SETX: variants seen among roughly 807,000 people sequenced by gnomAD.
The protein encoded by SETX is senataxin, also known as helicase senataxin.
SETX carries 90 observed loss-of-function variants against 227.2 expected under a neutral mutation model. The ratio of observed to expected loss-of-function variants is 0.40; its 90% CI spans 0.33 to 0.47. SETX has a LOEUF of 0.47. Ranked by LOEUF, SETX falls within the 20% of genes least tolerant of loss-of-function variation. The pLI is 0.91. For synonymous variants in SETX, 1,210 were observed against 1,113.2 expected (o/e 1.09, Z -1.73); for missense variants, 3,052 against 3,181.5 (o/e 0.96, Z 0.98).
At chr9:132,334,005 G>C (rs1847433188) in intron 7 of SETX, among the ~76,000 whole-genome samples, 1 of 152,090 alleles carries the variant, frequency 6.6e-6, no homozygotes, top group Non-Finnish European at 1.5e-5. Flanking sequence ...CCATGGGACA[G>C]AGAAGGCTTA....
At chr9:132,301,888 C>A (rs1486404784) in intron 11 of SETX, among the ~76,000 whole-genome samples, 1 of 152,178 alleles carries the variant, frequency 6.6e-6, no homozygotes, top group Non-Finnish European at 1.5e-5. Flanking sequence ...AAGTTCAGTA[C>A]CAACTGCCGA....
intron 10 of SETX, among the ~76,000 whole-genome samples, chr9:132,312,639 G>T (rs1291689766): frequency 6.6e-6 from 1 of 152,144 alleles, no homozygotes; most frequent in Non-Finnish European, 1.5e-5. Flanking sequence ...CTCCACAAGG[G>T]TTATGCTATG....
At position 132,327,462 on chromosome 9, in the gene SETX, T is replaced by C. The variant is rs181158146; in HGVS notation, c.4136A>G (p.His1379Arg). The stretch of plus-strand genomic sequence containing the variant: ...AAATATGTCAGAATTCTGTGCTGTA[T>C]GTGACCCTGCTCTTTTAACATCTGT... ...ESTDVKRAGS[H>R]TAQNSDIFVP... Residue 1379 changes from histidine (H) to arginine (R), a missense_variant, in exon 10 of 26, where the codon CAT becomes CGT. Physicochemically the swap from His to Arg is conservative, Grantham distance 29. Coordinates refer to ENST00000224140, the MANE Select transcript of SETX (RefSeq NM_015046.7). 17 of 1,614,184 alleles carry C rather than the reference T, an allele frequency of 1.1e-5. No homozygotes were observed. In the Admixed American group the frequency reaches 2.7e-4, roughly 25 times the overall value.
chr9:132,313,382 T>A (rs1316086789), intron 10 of SETX, among the ~76,000 whole-genome samples: 1 of 152,174 alleles, frequency 6.6e-6, no homozygotes, highest in Non-Finnish European at 1.5e-5. Flanking sequence ...GGAGGGCAGA[T>A]ACTTTTAGTT....
chr9:132,290,939 TC>T (rs201804576), intron 15 of SETX, among the ~76,000 whole-genome samples: 2,905 of 152,242 alleles, frequency 0.019, 103 homozygotes, highest in African/African-American at 0.067. Context: ...ATTGGACACG[TC>T]ACAGTTATTT....
At position 132,327,411 on chromosome 9, in the gene SETX, T is replaced by C. The variant is rs1336844020; in HGVS notation, c.4187A>G (p.Tyr1396Cys). Reference protein sequence around the residue: ...IFVPESDRSDYNCTGGTEVLA... With the variant: ...IFVPESDRSDCNCTGGTEVLA... ...TACCTCAGTTCCTCCTGTACAATTA[T>C]AATCTGACCTATCAGATTCTGGTAC... The change falls in exon 10 of 26, where the codon TAT (tyrosine) becomes TGT (cysteine). Residue 1396 changes from tyrosine (Y) to cysteine (C), a missense_variant. Coordinates refer to ENST00000224140, the MANE Select transcript of SETX (RefSeq NM_015046.7). 7 of 1,614,180 alleles carry C rather than the reference T, an allele frequency of 4.3e-6. No individual in the cohort carries two copies. The highest frequency in any genetic ancestry group is 1.7e-5 in the Admixed American group (1 of 60,026).
intron 10 of SETX, among the ~76,000 whole-genome samples, chr9:132,314,309 G>C (rs993974896): frequency 1.3e-5 from 2 of 151,972 alleles, no homozygotes; most frequent in African/African-American, 4.8e-5. Flanking sequence ...GGCTGGTCTT[G>C]AACTCCTGAC....
rs1293739440 is a variant in SETX, at chr9:132,346,340, C to T, written c.309G>A (p.Gly103=). The change falls in exon 4 of 26, where the codon GGG becomes GGA. Residue 103 remains glycine, a synonymous_variant. Coordinates refer to ENST00000224140, the MANE Select transcript of SETX (RefSeq NM_015046.7). ...CTCGAAGCTTATTTTCAAAGTCTTGCCCAGTGATGTCAAACAGTGGCATCT... is the reference window on the plus strand; with the variant it reads ...CTCGAAGCTTATTTTCAAAGTCTTGTCCAGTGATGTCAAACAGTGGCATCT... The part of the protein sequence containing the change: ...NGEMPLFDIT[G]QDFENKLRVP... 3.7e-6 allele frequency: 6 copies of T among 1,613,972 alleles called. 1 individual carries two copies. The Admixed American group carries it at 6.7e-5, about 18-fold the overall frequency.
chr9:132,272,102 C>T (rs540455924), intron 23 of SETX, among the ~76,000 whole-genome samples: 5 of 152,128 alleles, frequency 3.3e-5, no homozygotes, highest in African/African-American at 9.6e-5. Flanking sequence ...CATCTCCTGA[C>T]CTCATGATCC....
chr9:132,331,496 C>T (rs955253075), intron 7 of SETX, 48 bp from the exon 8 acceptor site: 2 of 1,575,154 alleles, frequency 1.3e-6, no homozygotes, highest in African/African-American at 2.7e-5. Flanking sequence ...GTTAGAAAAA[C>T]ATACTACAAT....
chr9:132,270,290 G>A (rs953425341), intron 24 of SETX, among the ~76,000 whole-genome samples: 1 of 150,486 alleles, frequency 6.6e-6, no homozygotes, highest in Non-Finnish European at 1.5e-5. Context: ...GCCCATGTGA[G>A]ACACAGGTAG....
intron 14 of SETX, 44 bp from the exon 15 acceptor site, chr9:132,296,072 T>C (rs1411421458): frequency 1.5e-5 from 24 of 1,610,344 alleles, no homozygotes; most frequent in Non-Finnish European, 2.0e-5. Flanking sequence ...ACACAAAAAA[T>C]ATGGGTGAGC....
intron 12 of SETX, among the ~76,000 whole-genome samples, chr9:132,299,392 T>C (rs1309003472): frequency 6.6e-6 from 1 of 152,110 alleles, no homozygotes; most frequent in Non-Finnish European, 1.5e-5. Context: ...ACTATAAATT[T>C]GGCAAAGGTA....
At chr9:132,342,249 C>G (rs1848021427) in intron 5 of SETX, among the ~76,000 whole-genome samples, 1 of 152,162 alleles carries the variant, frequency 6.6e-6, no homozygotes. Context: ...GCTCACTGTT[C>G]TGGATTTTGT....
chr9:132,329,412 C>A lies in SETX; in HGVS notation c.2186G>T (p.Arg729Ile). 6.2e-7 allele frequency: 1 copy of A among 1,613,792 alleles called. No individual in the cohort carries two copies. The highest frequency in any genetic ancestry group is 8.5e-7 in the Non-Finnish European group (1 of 1,179,978). The change falls in exon 10 of 26, where the codon AGA (arginine) becomes ATA (isoleucine). Residue 729 changes from arginine (R) to isoleucine (I), a missense_variant. Arg to Ile is a moderately conservative substitution (Grantham distance 97, BLOSUM62 -3). Around this residue, in one of 10 missense-constraint regions of SETX, gnomAD observed 1,483 missense variants for 1,312.0 expected, o/e 1.13. Transcript: ENST00000224140. ...SSYTPKDCTS[R>I]NGPERGCDRG... ...GTCACATCCCCTTTCTGGACCATTT[C>A]TTGAAGTACAGTCCTTTGGTGTATA...
At chr9:132,281,677 TCTC>T (rs1564482632) in intron 19 of SETX, 103 bp from the exon 20 acceptor site, 4 of 808,182 alleles carry the variant, frequency 4.9e-6, no homozygotes, top group South Asian at 1.5e-5. Flanking sequence ...GTATCACACT[TCTC>T]CTGCACCAAA....
intron 4 of SETX, among the ~76,000 whole-genome samples, chr9:132,343,402 A>G (rs1186749704): frequency 6.6e-6 from 1 of 152,168 alleles, no homozygotes; most frequent in Admixed American, 6.5e-5. Context: ...AAGGACCTGT[A>G]ACCATATGGT....
Position 132,329,465 on chromosome 9 carries a change from C to G in SETX, c.2133G>C (p.Lys711Asn), listed in dbSNP as rs746772505. ...AAGAGATCTCTTTTACAGACTTCTG[C>G]TTCCTTGTACTTATTTTAATTTGAT... is the stretch of plus-strand genomic sequence containing the variant. ...AEDQIKISTRKQKSVKEISSY... is the reference protein window; with the variant it reads ...AEDQIKISTRNQKSVKEISSY... Residue 711 changes from lysine (K) to asparagine (N), a missense_variant, in exon 10 of 26, where the codon AAG becomes AAC. Around this residue, in one of 10 missense-constraint regions of SETX, gnomAD observed 1,483 missense variants for 1,312.0 expected, o/e 1.13. Transcript: ENST00000224140. The G allele has an allele frequency of 1.9e-6, 3 of 1,612,296 alleles. No homozygotes were observed. The highest frequency in any genetic ancestry group is 2.5e-6 in the Non-Finnish European group (3 of 1,179,848).
At chr9:132,311,624 G>C in intron 11 of SETX, 133 bp downstream of exon 11, 1 of 680,332 alleles carries the variant, frequency 1.5e-6, no homozygotes, top group Non-Finnish European at 2.6e-6. Context: ...AAGACTTTAA[G>C]CATATTCTAA....
Sources: gnomAD v4.1 joint callset for allele counts (sites outside exome capture counted in the v4.1 genomes callset) on GRCh38, gnomAD v4.1.1 for gene constraint, gnomAD v4.1.1 regional missense constraint, MANE v1.5 for transcripts, NCBI Gene and HGNC (gene_info 2026-07-23, HGNC 2026-07-21) for gene names.